Variants in KLF6 observed in about 807,000 individuals in gnomAD.
The protein encoded by KLF6 is Krueppel-like factor 6.
For missense variants in KLF6, 233 were observed against 359.8 expected, an observed-to-expected ratio of 0.65 and a Z score of 2.85; for synonymous variants, 152 against 147.9, an observed-to-expected ratio of 1.03 and a Z score of -0.20.
rs1832451616 is a variant in KLF6 at position 3,778,697 on chromosome 10, T to C, written c.*842A>G. Reference sequence around the variant, plus strand: ...ATTAGACAGATTGGATCTTAGCTGCTCATTAACTGGAATCAGTATTGCAGT... The same window carrying C: ...ATTAGACAGATTGGATCTTAGCTGCCCATTAACTGGAATCAGTATTGCAGT... On this transcript the variant is annotated 3_prime_UTR_variant, in exon 4 of 4. Transcript: ENST00000497571. The C allele has an allele frequency of 1.9e-6, 1 of 528,454 alleles. No individual in the cohort carries two copies. The highest frequency in any genetic ancestry group is 3.7e-6 in the Non-Finnish European group (1 of 272,692). 32.7% of individuals were successfully genotyped at this position (528,454 alleles called of 1,614,324 possible).
At chr10:3,784,843 T>C (rs1832613991) in intron 1 of KLF6, 70 bp downstream of exon 1, 4 of 1,466,726 alleles carry the variant, frequency 2.7e-6, no homozygotes, top group Non-Finnish European at 1.8e-6. Context: ...GAGCACCGGG[T>C]CTGAACCCCA....
Position 3,776,106 on chromosome 10 carries a change from CAT to C in KLF6, c.*3431_*3432del. 1 of 530,088 alleles carries C rather than the reference CAT, an allele frequency of 1.9e-6. No individual in the cohort carries two copies. The highest frequency in any genetic ancestry group is 3.9e-5 in the East Asian group (1 of 25,358). The allele number at this position is 530,088 out of a possible 1,614,324, so 32.8% of individuals were successfully genotyped here. ...CTCTGCCTCCTCCACCCCTCCCAGA[CAT>C]GCCTCAGCCAGGTGTGTGGCAGGGC... On this transcript the variant is annotated 3_prime_UTR_variant, in exon 4 of 4. Transcript: ENST00000497571.
intron 1 of KLF6, 122 bp downstream of exon 1, chr10:3,784,791 C>A: frequency 2.2e-6 from 2 of 904,244 alleles, no homozygotes; most frequent in Non-Finnish European, 3.1e-6. Context: ...TGCGCCCGCT[C>A]CCCCGGTGAC....
rs1832476025 is a variant in KLF6, at chr10:3,779,537, C to T, written c.*2G>A. On this transcript the variant is annotated 3_prime_UTR_variant, in exon 4 of 4. Coordinates refer to ENST00000497571, the MANE Select transcript of KLF6 (RefSeq NM_001300.6). ...GCCTACAGGATCCACCTCTCTGCTC[C>T]CTCAGAGGTGCCTCTTCATGTGCAG... The T allele has an allele frequency of 6.2e-7, 1 of 1,613,200 alleles. No individual in the cohort carries two copies. Among genetic ancestry groups the T allele is most frequent in the East Asian group, 2.2e-5 (1 of 44,882 alleles).
In KLF6 at chr10:3,778,713, G is replaced by C. The variant is rs1338260021; in HGVS notation, c.*826C>G. On this transcript the variant is annotated 3_prime_UTR_variant, in exon 4 of 4. Transcript: ENST00000497571. ...CTTAGCTGCTCATTAACTGGAATCA[G>C]TATTGCAGTCCTGACTTAAAAATGG... 5.7e-6 allele frequency: 3 copies of C among 528,950 alleles called. No homozygotes were observed. The highest frequency in any genetic ancestry group is 1.1e-5 in the Non-Finnish European group (3 of 272,980). The allele number at this position is 528,950 out of a possible 1,614,324, so 32.8% of individuals were successfully genotyped here. A position where few individuals can be genotyped will look rare whatever the true frequency, so the allele number is the denominator to read the frequency against.
Position 3,781,649 on chromosome 10 carries a change from G to A in KLF6, c.668C>T (p.Thr223Met), listed in dbSNP as rs200187706. ...KSSHLKAHQR[T>M]HTGEKPYRCS... ...CCCGCGTGGGCACTGACCTGTGTGC[G>A]TCCGCTGGTGTGCTTTCAAGTGGGA... Residue 223 changes from threonine to methionine, a missense_variant, in exon 2 of 4, where the codon ACG becomes ATG. Physicochemically the swap from Thr to Met is moderately conservative, Grantham distance 81. Coordinates refer to ENST00000497571, the MANE Select transcript of KLF6 (RefSeq NM_001300.6). This position sits in a 1 kb window ranked among gnomAD's most constrained non-coding sequence, Gnocchi z 5.8. The A allele has an allele frequency of 3.1e-6, 5 of 1,612,592 alleles. No homozygotes were observed. The highest frequency in any genetic ancestry group is 2.2e-5 in the East Asian group (1 of 44,836).
At position 3,782,116 on chromosome 10, in the gene KLF6, G is replaced by T; in HGVS notation, c.201C>A (p.Ile67=). The T allele has an allele frequency of 2.5e-6, 4 of 1,614,088 alleles. No homozygotes were observed. Among genetic ancestry groups the T allele is most frequent in the Non-Finnish European group, 2.5e-6 (3 of 1,179,986 alleles). Residue 67 remains isoleucine (I), a synonymous_variant, in exon 2 of 4, where the codon ATC becomes ATA. Coordinates refer to ENST00000497571, the MANE Select transcript of KLF6 (RefSeq NM_001300.6). The surrounding 1 kb of genome is among the most constrained non-coding windows in gnomAD (Gnocchi z 4.3). ...CCTCCTTTTTCTCCCGAGCCAGAAT[G>T]ATTTTGGTCCACAGATCTTCCTGGC... ...FDSQEDLWTK[I]ILAREKKEES...
intron 1 of KLF6, 88 bp downstream of exon 1, chr10:3,784,825 A>G: frequency 7.9e-7 from 1 of 1,259,082 alleles, no homozygotes; most frequent in Non-Finnish European, 1.1e-6. Flanking sequence ...GGCCCAGCGG[A>G]CCGCAGAGAG....
At chr10:3,783,449 G>A (rs934941257) in intron 1 of KLF6, among the ~76,000 whole-genome samples, 2 of 152,108 alleles carry the variant, frequency 1.3e-5, no homozygotes, top group Non-Finnish European at 2.9e-5. Flanking sequence ...CATTTTTCCG[G>A]GCAGGGACCT....
chr10:3,778,030 G>A lies in KLF6; in HGVS notation c.*1509C>T, dbSNP rs1399484825. 2 of 510,006 alleles carry A rather than the reference G, an allele frequency of 3.9e-6. No individual in the cohort carries two copies. Among genetic ancestry groups the A allele is most frequent in the African/African-American group, 3.8e-5 (2 of 52,436 alleles). The allele number at this position is 510,006 out of a possible 1,614,324, so 31.6% of individuals were successfully genotyped here. A position where few individuals can be genotyped will look rare whatever the true frequency, so the allele number is the denominator to read the frequency against. ...TGCAAGGTCTATATGAAAGTCTCAA[G>A]GTGGCAGAATTGGTCAGATTTTTCC... On this transcript the variant is annotated 3_prime_UTR_variant, in exon 4 of 4. Transcript: ENST00000497571.
Position 3,776,915 on chromosome 10 carries a change from G to C in KLF6, c.*2624C>G, listed in dbSNP as rs761066184. ...TGTTTCGTAAGTGAGACAAGCCAGTGCAAGTTTTTTTTTTTCCTTTTTTTT... is the reference window on the plus strand; with the variant it reads ...TGTTTCGTAAGTGAGACAAGCCAGTCCAAGTTTTTTTTTTTCCTTTTTTTT... On this transcript the variant is annotated 3_prime_UTR_variant, in exon 4 of 4. Transcript: ENST00000497571. 9 of 513,948 alleles carry C rather than the reference G, an allele frequency of 1.8e-5. No individual in the cohort carries two copies. The highest frequency in any genetic ancestry group is 1.1e-4 in the South Asian group (7 of 62,076). The allele number at this position is 513,948 out of a possible 1,614,324, so 31.8% of individuals were successfully genotyped here.
In KLF6 at chr10:3,776,281, A is replaced by G. The variant is rs1450332495; in HGVS notation, c.*3258T>C. Reference sequence around the variant, plus strand: ...TTGAGCAATGGAAGATCAAACCGGCATGGTTCCCTACTGTGCCCACAGCCG... The same window carrying G: ...TTGAGCAATGGAAGATCAAACCGGCGTGGTTCCCTACTGTGCCCACAGCCG... On this transcript the variant is annotated 3_prime_UTR_variant, in exon 4 of 4. Coordinates refer to ENST00000497571, the MANE Select transcript of KLF6 (RefSeq NM_001300.6). The G allele has an allele frequency of 1.9e-6, 1 of 532,942 alleles. No individual in the cohort carries two copies. Among genetic ancestry groups the G allele is most frequent in the Admixed American group, 2.2e-5 (1 of 44,984 alleles). The allele number at this position is 532,942 out of a possible 1,614,324, so 33.0% of individuals were successfully genotyped here.
At position 3,780,434 on chromosome 10, in the gene KLF6, G is replaced by A; in HGVS notation, c.677-205C>T. ...TCTCAGGCCTCCCACTGCTGTCCAA[G>A]GGACACAGCTTCAGCCAAGCCCATG... On this transcript the variant is annotated intron_variant, in intron 2 of 3. Transcript: ENST00000497571. The surrounding 1 kb of genome is among the most constrained non-coding windows in gnomAD (Gnocchi z 4.6). The A allele has an allele frequency of 6.2e-6, 4 of 648,124 alleles. No homozygotes were observed. The South Asian group carries it at 6.7e-5, about 11-fold the overall frequency. 40.1% of individuals were successfully genotyped at this position (648,124 alleles called of 1,614,324 possible). A position where few individuals can be genotyped will look rare whatever the true frequency, so the allele number is the denominator to read the frequency against.
intron 1 of KLF6, among the ~76,000 whole-genome samples, chr10:3,783,584 C>G (rs1354449728): frequency 6.6e-6 from 1 of 152,224 alleles, no homozygotes; most frequent in Admixed American, 6.5e-5. Context: ...ACGGGAGAAT[C>G]ATGCTTTCCC....
rs537666833 is a variant in KLF6 at position 3,781,835 on chromosome 10, A to G, written c.482T>C (p.Leu161Pro). 2 of 1,614,232 alleles carry G rather than the reference A, an allele frequency of 1.2e-6. No individual in the cohort carries two copies. The highest frequency in any genetic ancestry group is 1.7e-6 in the Non-Finnish European group (2 of 1,180,040). Residue 161 changes from leucine to proline, a missense_variant, in exon 2 of 4, where the codon CTG becomes CCG. Physicochemically the swap from Leu to Pro is moderately conservative, Grantham distance 98 (BLOSUM62 -3). Transcript: ENST00000497571. This position sits in a 1 kb window ranked among gnomAD's most constrained non-coding sequence, Gnocchi z 5.8. ...SPELSREPSQLWGCVPGELPS... is the reference protein window; with the variant it reads ...SPELSREPSQPWGCVPGELPS... The stretch of plus-strand genomic sequence containing the variant: ...CAGCTCCCCGGGCACGCAACCCCAC[A>G]GTTGAGAAGGTTCCCTGCTCAGTTC...
chr10:3,779,468 G>T lies in KLF6; in HGVS notation c.*71C>A. 1 of 1,309,966 alleles carries T rather than the reference G, an allele frequency of 7.6e-7. No individual in the cohort carries two copies. Among genetic ancestry groups the T allele is most frequent in the Non-Finnish European group, 1.1e-6 (1 of 903,744 alleles). The allele number at this position is 1,309,966 out of a possible 1,614,324, so 81.1% of individuals were successfully genotyped here. ...GAACGGCATGCTTTGGCTGGAACACGCATCCCTCCTTCCACGGCCGGCTCT... is the reference window on the plus strand; with the variant it reads ...GAACGGCATGCTTTGGCTGGAACACTCATCCCTCCTTCCACGGCCGGCTCT... On this transcript the variant is annotated 3_prime_UTR_variant, in exon 4 of 4. Coordinates refer to ENST00000497571, the MANE Select transcript of KLF6 (RefSeq NM_001300.6).
At position 3,780,270 on chromosome 10, in the gene KLF6, G is replaced by C; in HGVS notation, c.677-41C>G. 1 of 1,610,540 alleles carries C rather than the reference G, an allele frequency of 6.2e-7. No individual in the cohort carries two copies. The highest frequency in any genetic ancestry group is 8.5e-7 in the Non-Finnish European group (1 of 1,179,806). On this transcript the variant is annotated intron_variant, in intron 2 of 3. Coordinates refer to ENST00000497571, the MANE Select transcript of KLF6 (RefSeq NM_001300.6). This position sits in a 1 kb window ranked among gnomAD's most constrained non-coding sequence, Gnocchi z 4.6. ...AGGACAAGCAGCCCATGACTTCACT[G>C]ACCCGCAGACGGAAAGGGGAAATTC...
chr10:3,777,058 A>G lies in KLF6; in HGVS notation c.*2481T>C, dbSNP rs1194347729. 3.9e-6 allele frequency: 2 copies of G among 517,336 alleles called. No individual in the cohort carries two copies. The highest frequency in any genetic ancestry group is 3.1e-5 in the South Asian group (2 of 65,040). The allele number at this position is 517,336 out of a possible 1,614,324, so 32.0% of individuals were successfully genotyped here. A position where few individuals can be genotyped will look rare whatever the true frequency, so the allele number is the denominator to read the frequency against. On this transcript the variant is annotated 3_prime_UTR_variant, in exon 4 of 4. Transcript: ENST00000497571. ...AAGTGCTTGGATTCTGAACTGCCAAAAGAAAACTGCACTTCCCCTCTTAAG... is the reference window on the plus strand; with the variant it reads ...AAGTGCTTGGATTCTGAACTGCCAAGAGAAAACTGCACTTCCCCTCTTAAG...
Position 3,780,101 on chromosome 10 carries a change from C to G in KLF6, c.800+5G>C. 6.2e-7 allele frequency: 1 copy of G among 1,614,176 alleles called. No individual in the cohort carries two copies. The highest frequency in any genetic ancestry group is 8.5e-7 in the Non-Finnish European group (1 of 1,180,034). ...CCTTGCCCAGCATTGTCCTCAGGCA[C>G]GTACCTGTCACAGTGGGAGCATTTA... On this transcript the variant is annotated splice_donor_5th_base_variant and intron_variant, in intron 3 of 3. Transcript: ENST00000497571. This position sits in a 1 kb window ranked among gnomAD's most constrained non-coding sequence, Gnocchi z 4.6.
Sources: allele counts gnomAD v4.1 joint callset (sites outside exome capture counted in the v4.1 genomes callset), GRCh38; gene constraint gnomAD v4.1.1; non-coding constraint Gnocchi (gnomAD v3.1); transcripts MANE v1.5; gene names NCBI Gene and HGNC (gene_info 2026-07-23, HGNC 2026-07-21).